The following BAIAP2 variants were observed in gnomAD, a reference collection of about 807,000 sequenced individuals.
BAIAP2 encodes the protein BAR/IMD domain-containing adapter protein 2.
In BAIAP2, 18 loss-of-function variants were observed where a neutral mutation model predicts 63.0. The observed-to-expected ratio is 0.29, with a 90% CI of 0.20 to 0.42. The LOEUF (loss-of-function observed/expected upper bound fraction) is 0.42. Ranked by LOEUF, BAIAP2 falls within the 10% of genes least tolerant of loss-of-function variation. BAIAP2 has a pLI of 1.00. For synonymous variants in BAIAP2, 386 were observed against 307.6 expected (o/e 1.25, Z -2.67); for missense variants, 610 against 734.3 (o/e 0.83, Z 1.96).
chr17:81,077,029 T>C (rs1201458143), intron 3 of BAIAP2, among the ~76,000 whole-genome samples: 3 of 151,972 alleles, frequency 2.0e-5, no homozygotes, highest in Non-Finnish European at 2.9e-5. Flanking sequence ...CTTGAAGACA[T>C]TGTGCCCAGG....
chr17:81,037,925 C>CT (rs766767731), intron 1 of BAIAP2, among the ~76,000 whole-genome samples: 11 of 152,276 alleles, frequency 7.2e-5, no homozygotes, highest in Non-Finnish European at 1.3e-4. Context: ...ACTTTGACCT[C>CT]TTTTCTGGTG....
At chr17:81,053,072 A>G (rs8079626) in intron 1 of BAIAP2, among the ~76,000 whole-genome samples, 47,926 of 152,050 alleles carry the variant, frequency 0.32, 8,030 homozygotes, top group East Asian at 0.65. Context: ...CTTCGCAGTG[A>G]AAATCTAATT....
chr17:81,111,067 G>A (rs921932198), intron 13 of BAIAP2: 195 of 1,339,978 alleles, frequency 1.5e-4, no homozygotes, highest in South Asian at 1.8e-4. Flanking sequence ...GCTGCATGGC[G>A]GGGCCAGGGG....
In BAIAP2 at chr17:81,058,458, A is replaced by G. The variant is rs1032722973; in HGVS notation, c.217+491A>G. ...TTCTGTGATCGCTCCTGTGACGTCTATGTCAAGGGACACAGGGTGAAACCT... is the reference window on the plus strand; with the variant it reads ...TTCTGTGATCGCTCCTGTGACGTCTGTGTCAAGGGACACAGGGTGAAACCT... On this transcript the variant is annotated intron_variant, in intron 3 of 13. Transcript: ENST00000428708. Among the ~76,000 whole-genome samples, 6 of 152,220 alleles carry G rather than the reference A, an allele frequency of 3.9e-5. No individual in the cohort carries two copies. The East Asian group carries it at 7.7e-4, about 20-fold the overall frequency.
chr17:81,071,864 G>A (rs138823503), intron 3 of BAIAP2, among the ~76,000 whole-genome samples: 4 of 152,342 alleles, frequency 2.6e-5, no homozygotes, highest in East Asian at 1.9e-4. Flanking sequence ...GTGGGTGGCC[G>A]GTCCCCTCCT....
chr17:81,115,754 C>A lies in BAIAP2; in HGVS notation c.1536-16C>A. On this transcript the variant is annotated splice_polypyrimidine_tract_variant and intron_variant, in intron 13 of 13. Coordinates refer to ENST00000428708, the MANE Select transcript of BAIAP2 (RefSeq NM_001144888.2). ...GCTTCCGCCCTAAAAATTAAAACCA[C>A]GTTTTTCTCTTTCAGGAATCCCTTT... 2 of 1,613,512 alleles carry A rather than the reference C, an allele frequency of 1.2e-6. No individual in the cohort carries two copies. The highest frequency in any genetic ancestry group is 1.7e-6 in the Non-Finnish European group (2 of 1,180,000).
At chr17:81,060,137 G>T (rs188982891) in intron 3 of BAIAP2, among the ~76,000 whole-genome samples, 1 of 152,224 alleles carries the variant, frequency 6.6e-6, no homozygotes, top group African/African-American at 2.4e-5. Flanking sequence ...CCACATGTCA[G>T]CCTTGCTCTG....
chr17:81,090,373 C>T (rs1477342314), intron 6 of BAIAP2, among the ~76,000 whole-genome samples: 1 of 152,250 alleles, frequency 6.6e-6, no homozygotes, highest in Non-Finnish European at 1.5e-5. Context: ...CTCTGCTCCT[C>T]CCCATCCGCC....
intron 13 of BAIAP2, chr17:81,110,178 G>T: frequency 3.0e-6 from 3 of 985,694 alleles, no homozygotes; most frequent in Non-Finnish European, 3.6e-6. Flanking sequence ...TTTAGTAAAA[G>T]CCTCCCACAC....
At chr17:81,088,826 G>T (rs143512639) in intron 6 of BAIAP2, among the ~76,000 whole-genome samples, 1 of 152,244 alleles carries the variant, frequency 6.6e-6, no homozygotes, top group African/African-American at 2.4e-5. Flanking sequence ...GGCTGAGCTC[G>T]CTGGGAGCTG....
chr17:81,072,906 C>T (rs1003357745), intron 3 of BAIAP2, among the ~76,000 whole-genome samples: 2 of 151,998 alleles, frequency 1.3e-5, no homozygotes, highest in African/African-American at 2.4e-5. Flanking sequence ...TGGTCATGAG[C>T]CTGCATCTTA....
At chr17:81,089,320 G>A (rs1399000710) in intron 6 of BAIAP2, among the ~76,000 whole-genome samples, 5 of 152,172 alleles carry the variant, frequency 3.3e-5, no homozygotes, top group South Asian at 2.1e-4. Flanking sequence ...TGGACCCTTC[G>A]TTGACTGGCC....
At chr17:81,056,987 C>G (rs1031225129) in intron 2 of BAIAP2, among the ~76,000 whole-genome samples, 1 of 152,240 alleles carries the variant, frequency 6.6e-6, no homozygotes. Flanking sequence ...GCCTTCATTC[C>G]TCTGTGGACG....
In BAIAP2 at chr17:81,061,425, C is replaced by G. The variant is rs561052946; in HGVS notation, c.217+3458C>G. 4.6e-5 allele frequency among the ~76,000 whole-genome samples: 7 copies of G among 152,300 alleles called. No individual in the cohort carries two copies. In the East Asian group the frequency reaches 1.4e-3, roughly 29 times the overall value. On this transcript the variant is annotated intron_variant, in intron 3 of 13. Transcript: ENST00000428708. ...ACTTGTCCGTCTCTCGAAGAGTCCT[C>G]GGGCCCTCCCTCCCCATCTCCAGGC...
intron 13 of BAIAP2, chr17:81,109,036 T>C: frequency 6.5e-7 from 1 of 1,531,008 alleles, no homozygotes; most frequent in Non-Finnish European, 8.8e-7. Context: ...CTGAAGAGCT[T>C]CCGCGCCTTC....
At chr17:81,108,107 G>A (rs988498629) in intron 12 of BAIAP2, 6 of 329,978 alleles carry the variant, frequency 1.8e-5, no homozygotes, top group African/African-American at 1.3e-4. Flanking sequence ...AGTCCCAGGG[G>A]CCCGCCCAGG....
chr17:81,098,110 G>A (rs1359431699), intron 6 of BAIAP2: 3 of 1,391,834 alleles, frequency 2.2e-6, no homozygotes, highest in Non-Finnish European at 2.8e-6. Flanking sequence ...AGCGGGGGGT[G>A]GGGAGGCATG....
chr17:81,109,504 A>G (rs1217075190), intron 13 of BAIAP2: 29 of 985,094 alleles, frequency 2.9e-5, no homozygotes, highest in Non-Finnish European at 3.5e-5. Context: ...CCCCGGTGCG[A>G]TGGCCTCTGT....
intron 2 of BAIAP2, chr17:81,057,497 C>A: frequency 3.9e-6 from 1 of 255,564 alleles, no homozygotes; most frequent in Non-Finnish European, 6.3e-6. Flanking sequence ...TGGCTTCCTA[C>A]TGCCCAGCTC....
Sources: gnomAD v4.1 joint callset for allele counts (sites outside exome capture counted in the v4.1 genomes callset) on GRCh38, gnomAD v4.1.1 for gene constraint, MANE v1.5 for transcripts, NCBI Gene and HGNC (gene_info 2026-07-23, HGNC 2026-07-21) for gene names.